Variants in GPR19 observed in about 807,000 individuals in gnomAD.
The protein encoded by GPR19 is probable G protein-coupled receptor 19.
A neutral mutation model predicts 28.5 loss-of-function variants in GPR19; 14 were observed. The observed-to-expected ratio is 0.49, with a 90% CI of 0.32 to 0.77. The LOEUF (loss-of-function observed/expected upper bound fraction) is 0.77. Ranked by LOEUF, GPR19 falls within the 30% of genes least tolerant of loss-of-function variation. The pLI is 0.03. For synonymous variants in GPR19, 173 were observed against 184.1 expected (o/e 0.94, Z 0.49); for missense variants, 409 against 504.1 (o/e 0.81, Z 1.81).
At chr12:12,717,092 C>G in the GPR19 span, 6 of 1,011,080 alleles carry the variant, frequency 5.9e-6, no homozygotes, top group Non-Finnish European at 5.9e-6. Flanking sequence ...GCCCCAGGTT[C>G]CCGGCCGTTT....
intron 3 of GPR19, among the ~76,000 whole-genome samples, chr12:12,677,409 G>A (rs1173976762): frequency 2.0e-5 from 3 of 151,852 alleles, no homozygotes; most frequent in Non-Finnish European, 4.4e-5. Flanking sequence ...AATGAAAAAT[G>A]AAAGTCTTTC....
the GPR19 span, among the ~76,000 whole-genome samples, chr12:12,714,548 G>A: frequency 6.6e-6 from 1 of 152,168 alleles, no homozygotes; most frequent in African/African-American, 2.4e-5. Context: ...CCCTAAGTAG[G>A]AAAACAGCAG....
At chr12:12,678,905 T>G (rs1490058704) in intron 3 of GPR19, among the ~76,000 whole-genome samples, 1 of 152,184 alleles carries the variant, frequency 6.6e-6, no homozygotes, top group Non-Finnish European at 1.5e-5. Flanking sequence ...GGAGAGATTC[T>G]TGTGCGTCAG....
the GPR19 span, among the ~76,000 whole-genome samples, chr12:12,704,160 T>G: frequency 6.6e-6 from 1 of 152,236 alleles, no homozygotes; most frequent in African/African-American, 2.4e-5. Flanking sequence ...TCTACTTCAC[T>G]TGTTAAGGGT....
chr12:12,672,789 G>A (rs1376015531), intron 3 of GPR19, among the ~76,000 whole-genome samples: 1 of 151,922 alleles, frequency 6.6e-6, no homozygotes, highest in East Asian at 1.9e-4. Flanking sequence ...TGACCATTTT[G>A]TTATGATGGC....
At chr12:12,684,953 C>G (rs1946072129) in intron 2 of GPR19, 1 of 152,242 alleles carries the variant, frequency 6.6e-6, no homozygotes, top group Admixed American at 6.5e-5. Flanking sequence ...CTCTGGATCC[C>G]CCTTAGCACA....
chr12:12,696,452 G>T (rs887202164), upstream of GPR19, among the ~76,000 whole-genome samples: 3 of 148,168 alleles, frequency 2.0e-5, no homozygotes. Flanking sequence ...AATATAACTA[G>T]CCGACAGGCT....
chr12:12,708,405 C>G, the GPR19 span, among the ~76,000 whole-genome samples: 90 of 152,154 alleles, frequency 5.9e-4, no homozygotes, highest in Non-Finnish European at 1.1e-3. Context: ...TTAAACCCTT[C>G]TTGAATCTAA....
At position 12,662,339 on chromosome 12, in the gene GPR19, C is replaced by A; in HGVS notation, c.110G>T (p.Ser37Ile). The change falls in exon 4 of 4, where the codon AGC becomes ATC. Residue 37 changes from serine (S) to isoleucine (I), a missense_variant. Transcript: ENST00000651487. ...CTCACTTAATTCCATCAGGTATTGG[C>A]TTGGCAGAGGTGTGGCTGTTTCAGT... ...SCTETATPLPSQYLMELSEEH... is the reference protein window; with the variant it reads ...SCTETATPLPIQYLMELSEEH... 6.2e-7 allele frequency: 1 copy of A among 1,614,182 alleles called. No homozygotes were observed.
intron 3 of GPR19, among the ~76,000 whole-genome samples, chr12:12,673,274 AT>A (rs1945879105): frequency 6.6e-6 from 1 of 152,210 alleles, no homozygotes; most frequent in Admixed American, 6.5e-5. Context: ...TTCTTCCTTG[AT>A]AAAAGGAAAG....
In GPR19 at chr12:12,684,357, C is replaced by T. The variant is rs927997361; in HGVS notation, c.-29G>A. The T allele has an allele frequency of 6.6e-6, 1 of 152,194 alleles. No individual in the cohort carries two copies. The highest frequency in any genetic ancestry group is 2.4e-5 in the African/African-American group (1 of 41,440). The allele number at this position is 152,194 out of a possible 1,614,324, so 9.4% of individuals were successfully genotyped here. ...AGGGATCCCTATCACATACCTTCAT[C>T]CGGACTTGATTTCAGAGACGTTCTC... On this transcript the variant is annotated 5_prime_UTR_variant, in exon 3 of 4. Transcript: ENST00000651487.
At chr12:12,716,391 T>C in the GPR19 span, among the ~76,000 whole-genome samples, 1 of 152,116 alleles carries the variant, frequency 6.6e-6, no homozygotes, top group Non-Finnish European at 1.5e-5. Context: ...GAAGGAGCTG[T>C]TGTATTTGGC....
chr12:12,662,899 AG>A (rs1945701502), intron 3 of GPR19, among the ~76,000 whole-genome samples: 1 of 152,266 alleles, frequency 6.6e-6, no homozygotes, highest in African/African-American at 2.4e-5. Context: ...GTTGCAAAAG[AG>A]GAAAGCTTGG....
chr12:12,700,597 A>G (rs1474736139), upstream of GPR19, among the ~76,000 whole-genome samples: 1 of 152,166 alleles, frequency 6.6e-6, no homozygotes, highest in Non-Finnish European at 1.5e-5. Flanking sequence ...AACCTTTGCA[A>G]CTTTGTTAGT....
chr12:12,679,485 C>T (rs1945986642), intron 3 of GPR19, among the ~76,000 whole-genome samples: 1 of 151,148 alleles, frequency 6.6e-6, no homozygotes. Context: ...ACAGTCCCAG[C>T]TCCTTGGAAG....
At chr12:12,697,304 A>G (rs898779382), upstream of GPR19, among the ~76,000 whole-genome samples, 3 of 152,092 alleles carry the variant, frequency 2.0e-5, no homozygotes, top group African/African-American at 4.8e-5. Flanking sequence ...GTGGCTTAGA[A>G]GAGGATGTTG....
At chr12:12,693,464 A>C (rs1243943125) in intron 2 of GPR19, among the ~76,000 whole-genome samples, 2 of 152,210 alleles carry the variant, frequency 1.3e-5, no homozygotes, top group Non-Finnish European at 2.9e-5. Context: ...CACCATGTGT[A>C]ATGCAATAAA....
At chr12:12,698,522 T>C (rs972807276), upstream of GPR19, among the ~76,000 whole-genome samples, 4 of 152,214 alleles carry the variant, frequency 2.6e-5, no homozygotes, top group African/African-American at 9.7e-5. Flanking sequence ...GAATCTGATA[T>C]GCATCCCCAA....
Position 12,661,295 on chromosome 12 carries a change from G to A in GPR19, c.1154C>T (p.Thr385Ile). ...SEIPSMAKTI[T>I]KDSIYDSFDR... ...AAATGAGTCATAGATCGAGTCTTTGGTAATAGTTTTGGCCATGGAAGGGAT... is the reference window on the plus strand; with the variant it reads ...AAATGAGTCATAGATCGAGTCTTTGATAATAGTTTTGGCCATGGAAGGGAT... Residue 385 changes from threonine to isoleucine, a missense_variant, in exon 4 of 4, where the codon ACC becomes ATC. Thr to Ile is a moderately conservative substitution (Grantham distance 89, BLOSUM62 -1). Coordinates refer to ENST00000651487, the MANE Select transcript of GPR19 (RefSeq NM_006143.3). This position sits in a 1 kb window ranked among gnomAD's most constrained non-coding sequence, Gnocchi z 4.2. The A allele has an allele frequency of 1.2e-6, 2 of 1,613,672 alleles. No homozygotes were observed. The highest frequency in any genetic ancestry group is 1.7e-6 in the Non-Finnish European group (2 of 1,179,638).
Sources: allele counts gnomAD v4.1 joint callset (sites outside exome capture counted in the v4.1 genomes callset), GRCh38; gene constraint gnomAD v4.1.1; non-coding constraint Gnocchi (gnomAD v3.1); transcripts MANE v1.5; gene names NCBI Gene and HGNC (gene_info 2026-07-23, HGNC 2026-07-21).